GMEB2: variants seen among roughly 807,000 people sequenced by gnomAD.
The protein encoded by GMEB2 is glucocorticoid modulatory element-binding protein 2.
A neutral mutation model predicts 45.7 loss-of-function variants in GMEB2; 7 were observed. The ratio of observed to expected loss-of-function variants is 0.15; its 90% CI spans 0.09 to 0.29. The LOEUF is 0.29. Among genes scored for constraint, GMEB2 ranks in the 10% least tolerant of loss-of-function variants. The pLI is 1.00. For synonymous variants in GMEB2, 322 were observed against 323.6 expected (o/e 1.00, Z 0.05); for missense variants, 582 against 739.2 (o/e 0.79, Z 2.47).
chr20:63,619,341 C>A lies in GMEB2; in HGVS notation c.57G>T (p.Pro19=), dbSNP rs777072550. 1 of 1,612,966 alleles carries A rather than the reference C, an allele frequency of 6.2e-7. No homozygotes were observed. Among genetic ancestry groups the A allele is most frequent in the East Asian group, 2.2e-5 (1 of 44,866 alleles). ...HMEEVVVVTT[P]DTAVDGSGVE... The stretch of plus-strand genomic sequence containing the variant: ...CACCACTGCCGTCCACTGCAGTGTC[C>A]GGAGTTGTCACAACCACCACCTCCT... The change falls in exon 2 of 10, where the codon CCG becomes CCT. Residue 19 remains proline (P), a synonymous_variant. Coordinates refer to ENST00000370077, the MANE Select transcript of GMEB2 (RefSeq NM_012384.5). The surrounding 1 kb of genome is among the most constrained non-coding windows in gnomAD (Gnocchi z 4.6).
intron 4 of GMEB2, among the ~76,000 whole-genome samples, chr20:63,601,557 G>A (rs960633991): frequency 4.8e-5 from 7 of 145,286 alleles, no homozygotes; most frequent in African/African-American, 1.8e-4. Flanking sequence ...TTTTTAAGAA[G>A]AAACTGGGGT....
intron 9 of GMEB2, among the ~76,000 whole-genome samples, chr20:63,591,035 C>G (rs558903577): frequency 1.3e-5 from 2 of 152,320 alleles, no homozygotes; most frequent in East Asian, 3.9e-4. Flanking sequence ...GACCCAGGGC[C>G]TGCGTGCAAG....
chr20:63,607,499 C>G (rs59861572), intron 2 of GMEB2, among the ~76,000 whole-genome samples: 3 of 18,476 alleles, frequency 1.6e-4, no homozygotes, highest in Admixed American at 5.3e-4. Context: ...ACATGCCCCT[C>G]TGACCCACAC....
chr20:63,590,360 T>A lies in GMEB2; in HGVS notation c.1322A>T (p.Tyr441Phe). ...YTVLASSGST[Y>F]PSTVEIHPDA... Reference sequence around the variant, plus strand: ...CGGGTGGATCTCCACTGTGCTGGGGTAGGTGGAGCCGGAAGAGGCCAAGAC... The same window carrying A: ...CGGGTGGATCTCCACTGTGCTGGGGAAGGTGGAGCCGGAAGAGGCCAAGAC... The change falls in exon 10 of 10, where the codon TAC becomes TTC. Residue 441 changes from tyrosine (Y) to phenylalanine (F), a missense_variant. By Grantham distance (22) the Tyr-to-Phe change is conservative. Around this residue, in one of 3 missense-constraint regions of GMEB2, gnomAD observed 462 missense variants for 586.7 expected, o/e 0.79. Transcript: ENST00000370077. 1 of 1,606,348 alleles carries A rather than the reference T, an allele frequency of 6.2e-7. No individual in the cohort carries two copies. The highest frequency in any genetic ancestry group is 1.1e-5 in the South Asian group (1 of 90,772).
Position 63,590,587 on chromosome 20 carries a change from T to C in GMEB2, c.1095A>G (p.Thr365=). ...PVKRPRLARA[T]SGPAAMASQV... is the part of the protein sequence containing the mutation. ...GCGAGGCCATGGCGGCCGGTCCTGATGTGGCACGTGCAAGCCGGGGCCGCT... is the reference window on the plus strand; with the variant it reads ...GCGAGGCCATGGCGGCCGGTCCTGACGTGGCACGTGCAAGCCGGGGCCGCT... Residue 365 remains threonine, a synonymous_variant, in exon 10 of 10, where the codon ACA becomes ACG. Coordinates refer to ENST00000370077, the MANE Select transcript of GMEB2 (RefSeq NM_012384.5). The C allele has an allele frequency of 6.3e-7, 1 of 1,588,116 alleles. No homozygotes were observed. Among genetic ancestry groups the C allele is most frequent in the Non-Finnish European group, 8.6e-7 (1 of 1,166,272 alleles).
intron 4 of GMEB2, among the ~76,000 whole-genome samples, chr20:63,601,162 T>A (rs935968924): frequency 3.9e-5 from 6 of 152,230 alleles, no homozygotes; most frequent in Admixed American, 3.3e-4. Flanking sequence ...GAGATAGGTA[T>A]ATAGACTCAT....
rs1455567710 is a variant in GMEB2 at position 63,592,823 on chromosome 20, C to T, written c.692-153G>A. ...CTGGGCTTGCACTGCCCAGACACAT[C>T]CACAGTGCCAAAATCTAGCAGGTCA... On this transcript the variant is annotated intron_variant, in intron 7 of 9. Transcript: ENST00000370077. This position sits in a 1 kb window ranked among gnomAD's most constrained non-coding sequence, Gnocchi z 8.2. Among the ~76,000 whole-genome samples the T allele has an allele frequency of 6.6e-6, 1 of 152,196 alleles. No individual in the cohort carries two copies. The highest frequency in any genetic ancestry group is 1.5e-5 in the Non-Finnish European group (1 of 68,036).
intron 2 of GMEB2, among the ~76,000 whole-genome samples, chr20:63,612,654 A>G (rs946719242): frequency 6.6e-6 from 1 of 152,206 alleles, no homozygotes; most frequent in Non-Finnish European, 1.5e-5. Context: ...CAGGAGGCCC[A>G]CTTTCCTCTG....
intron 2 of GMEB2, among the ~76,000 whole-genome samples, chr20:63,617,615 C>T (rs986935756): frequency 6.6e-6 from 1 of 151,512 alleles, no homozygotes; most frequent in African/African-American, 2.4e-5. Context: ...CACGGAGTCA[C>T]GGCTCGGGTG....
intron 2 of GMEB2, among the ~76,000 whole-genome samples, chr20:63,618,662 C>T (rs959034351): frequency 1.3e-5 from 2 of 152,116 alleles, no homozygotes; most frequent in African/African-American, 4.8e-5. Flanking sequence ...AGACCAGAGC[C>T]CCAGAGCCCT....
At chr20:63,617,287 T>TC (rs2089615588) in intron 2 of GMEB2, among the ~76,000 whole-genome samples, 1 of 152,056 alleles carries the variant, frequency 6.6e-6, no homozygotes, top group African/African-American at 2.4e-5. Flanking sequence ...ACCGTGACCT[T>TC]CTAAGAAGTG....
intron 4 of GMEB2, among the ~76,000 whole-genome samples, chr20:63,599,232 T>TCCTGACCCCCCGGAGCTAACG (rs2083223846): frequency 1.3e-5 from 2 of 150,940 alleles, no homozygotes; most frequent in South Asian, 4.2e-4. Context: ...CGGAGCTAAC[T>TCCTGACCCCCCGGAGCTAACG]CGGCCCGCTC....
intron 4 of GMEB2, among the ~76,000 whole-genome samples, chr20:63,601,360 G>A (rs994935552): frequency 7.2e-5 from 11 of 152,210 alleles, no homozygotes; most frequent in Admixed American, 3.3e-4. Flanking sequence ...AACTCAAATA[G>A]ATGTGTTTGA....
intron 2 of GMEB2, among the ~76,000 whole-genome samples, chr20:63,606,383 TG>T (rs1177058124): frequency 6.8e-6 from 1 of 147,676 alleles, no homozygotes; most frequent in African/African-American, 2.5e-5. Flanking sequence ...AGTCTCGCTC[TG>T]TCGCTCAGGC....
At chr20:63,626,884 C>G (rs2089678871) in intron 1 of GMEB2, 72 bp downstream of exon 1, 1 of 147,064 alleles carries the variant, frequency 6.8e-6, no homozygotes, top group Non-Finnish European at 1.5e-5. Flanking sequence ...GGACCCCTGA[C>G]TGGACGGCGG....
At chr20:63,626,776 CCGCCTGACGCCGCCGTTG>C (rs1257112335) in intron 1 of GMEB2, among the ~76,000 whole-genome samples, 162 bp downstream of exon 1, 30 of 146,734 alleles carry the variant, frequency 2.0e-4, no homozygotes, top group African/African-American at 2.7e-4. Context: ...CCCGCGCCGC[CCGCCTGACGCCGCCGTTG>C]CGCCTGACGC....
chr20:63,619,410 G>C lies in GMEB2; in HGVS notation c.-13C>G. 6.2e-7 allele frequency: 1 copy of C among 1,608,032 alleles called. No individual in the cohort carries two copies. The highest frequency in any genetic ancestry group is 8.5e-7 in the Non-Finnish European group (1 of 1,179,186). ...CGGGAGTCGCCATGGCTCAGCGGAA[G>C]GGGACGCCCAGGCCAGCAGCGTCAG... is the stretch of plus-strand genomic sequence containing the variant. On this transcript the variant is annotated 5_prime_UTR_variant, in exon 2 of 10. Coordinates refer to ENST00000370077, the MANE Select transcript of GMEB2 (RefSeq NM_012384.5). The surrounding 1 kb of genome is among the most constrained non-coding windows in gnomAD (Gnocchi z 4.6).
Position 63,589,733 on chromosome 20 carries a change from C to A in GMEB2, c.*356G>T. On this transcript the variant is annotated 3_prime_UTR_variant, in exon 10 of 10. Coordinates refer to ENST00000370077, the MANE Select transcript of GMEB2 (RefSeq NM_012384.5). ...AGCACCTGCAGGGTCGCGCTCGGCACCTGGCTCTGCTTCCTCTGTCTCTGC... is the reference window on the plus strand; with the variant it reads ...AGCACCTGCAGGGTCGCGCTCGGCAACTGGCTCTGCTTCCTCTGTCTCTGC... 4.5e-6 allele frequency: 1 copy of A among 219,902 alleles called. No individual in the cohort carries two copies. Among genetic ancestry groups the A allele is most frequent in the East Asian group, 9.0e-5 (1 of 11,066 alleles). 13.6% of individuals were successfully genotyped at this position (219,902 alleles called of 1,614,324 possible).
Position 63,598,460 on chromosome 20 carries a change from T to C in GMEB2, c.358-600A>G, listed in dbSNP as rs1035197784. Among the ~76,000 whole-genome samples the C allele has an allele frequency of 3.3e-5, 5 of 152,246 alleles. No individual in the cohort carries two copies. In the South Asian group the frequency reaches 1.0e-3, roughly 32 times the overall value. On this transcript the variant is annotated intron_variant, in intron 4 of 9. Transcript: ENST00000370077. ...GAGAAACTGAGAAGGTAAAATATCCTGTTCAATCTTGTTACACAAGCAATT... is the reference window on the plus strand; with the variant it reads ...GAGAAACTGAGAAGGTAAAATATCCCGTTCAATCTTGTTACACAAGCAATT...
Sources: gnomAD v4.1 joint callset for allele counts (sites outside exome capture counted in the v4.1 genomes callset) on GRCh38, gnomAD v4.1.1 for gene constraint, gnomAD v4.1.1 regional missense constraint, Gnocchi (gnomAD v3.1) non-coding constraint, MANE v1.5 for transcripts, NCBI Gene and HGNC (gene_info 2026-07-23, HGNC 2026-07-21) for gene names.